The following PPM1A variants were observed in gnomAD, a reference collection of about 807,000 sequenced individuals.
The protein encoded by PPM1A is protein phosphatase, Mg2+/Mn2+ dependent 1A, also known as protein phosphatase 1A.
In PPM1A, 7 loss-of-function variants were observed where a neutral mutation model predicts 35.0. The ratio of observed to expected loss-of-function variants is 0.20; its 90% CI spans 0.11 to 0.38. PPM1A has a LOEUF of 0.38. Ranked by LOEUF, PPM1A falls within the 10% of genes least tolerant of loss-of-function variation. The pLI is 1.00. For missense variants in PPM1A, 239 were observed against 467.8 expected, an observed-to-expected ratio of 0.51 and a Z score of 4.51; for synonymous variants, 153 against 167.3, an observed-to-expected ratio of 0.91 and a Z score of 0.66.
chr14:60,254,183 G>T (rs1882774324), intron 1 of PPM1A, among the ~76,000 whole-genome samples: 1 of 152,156 alleles, frequency 6.6e-6, no homozygotes, highest in South Asian at 2.1e-4. Context: ...TTTGCAGTGT[G>T]CCTGGAAGCC....
At chr14:60,291,356 G>C in intron 4 of PPM1A, 41 bp from the exon 5 acceptor site, 1 of 1,409,756 alleles carries the variant, frequency 7.1e-7, no homozygotes, top group Middle Eastern at 1.8e-4. Context: ...GCAATGTTTT[G>C]CTTTCTGAAG....
Position 60,292,414 on chromosome 14 carries a change from ATT to A in PPM1A, c.1120-36_1120-35del, listed in dbSNP as rs1452879642. 2.6e-6 allele frequency: 4 copies of A among 1,542,186 alleles called. No homozygotes were observed. In the African/African-American group the frequency reaches 5.5e-5, roughly 21 times the overall value. ...GTATGGTGTATTTTGGCACCGCTAA[ATT>A]TTAACGTTGTTCCTTATTTTGCTTC... On this transcript the variant is annotated intron_variant, in intron 5 of 5. Coordinates refer to ENST00000395076, the MANE Select transcript of PPM1A (RefSeq NM_021003.5). This position sits in a 1 kb window ranked among gnomAD's most constrained non-coding sequence, Gnocchi z 4.2.
At chr14:60,248,417 A>G (rs575460824), upstream of PPM1A, among the ~76,000 whole-genome samples, 1 of 152,326 alleles carries the variant, frequency 6.6e-6, no homozygotes, top group East Asian at 1.9e-4. Flanking sequence ...CCCCTGAACT[A>G]TAGAGGGAAA....
At chr14:60,274,358 T>C (rs1169625582) in intron 1 of PPM1A, among the ~76,000 whole-genome samples, 1 of 152,138 alleles carries the variant, frequency 6.6e-6, no homozygotes, top group East Asian at 1.9e-4. Context: ...CAACATTTTT[T>C]TTAAGAAGTT....
intron 2 of PPM1A, among the ~76,000 whole-genome samples, chr14:60,284,707 G>GTATATA (rs9323362): frequency 0.055 from 7,834 of 143,252 alleles, 252 homozygotes; most frequent in Middle Eastern, 0.092. Flanking sequence ...ATGTGTGTGT[G>GTATATA]TATATATATA....
chr14:60,265,819 C>T (rs1295958135), intron 1 of PPM1A, among the ~76,000 whole-genome samples: 2 of 152,162 alleles, frequency 1.3e-5, no homozygotes, highest in Non-Finnish European at 2.9e-5. Flanking sequence ...CAGGAACTCA[C>T]TCCTAAGATA....
Position 60,292,545 on chromosome 14 carries a change from T to G in PPM1A, c.*63T>G, listed in dbSNP as rs1039264658. 3.4e-5 allele frequency: 49 copies of G among 1,444,034 alleles called. No individual in the cohort carries two copies. The highest frequency in any genetic ancestry group is 4.4e-5 in the Non-Finnish European group (46 of 1,036,148). 89.5% of individuals were successfully genotyped at this position (1,444,034 alleles called of 1,614,324 possible). A position where few individuals can be genotyped will look rare whatever the true frequency, so the allele number is the denominator to read the frequency against. On this transcript the variant is annotated 3_prime_UTR_variant, in exon 6 of 6. Coordinates refer to ENST00000395076, the MANE Select transcript of PPM1A (RefSeq NM_021003.5). This position sits in a 1 kb window ranked among gnomAD's most constrained non-coding sequence, Gnocchi z 4.2. ...AAAGGAGAGTACAGCTCAACTTTGT[T>G]GAAACTTTTAACATCCATCCTCAAC...
chr14:60,281,460 A>C lies in PPM1A; in HGVS notation c.-20-1224A>C, dbSNP rs187606682. Among the ~76,000 whole-genome samples, 3 of 152,208 alleles carry C rather than the reference A, an allele frequency of 2.0e-5. No individual in the cohort carries two copies. The East Asian group carries it at 5.8e-4, about 29-fold the overall frequency. ...CCTTTTTCTCCCAGTTTCCTCTCTG[A>C]GCTGAGTATCATTAGCATCATCAAT... On this transcript the variant is annotated intron_variant, in intron 1 of 5. Coordinates refer to ENST00000395076, the MANE Select transcript of PPM1A (RefSeq NM_021003.5).
At position 60,273,606 on chromosome 14, in the gene PPM1A, G is replaced by C. The variant is rs559526667; in HGVS notation, c.-20-9078G>C. On this transcript the variant is annotated intron_variant, in intron 1 of 5. Coordinates refer to ENST00000395076, the MANE Select transcript of PPM1A (RefSeq NM_021003.5). The surrounding 1 kb of genome is among the most constrained non-coding windows in gnomAD (Gnocchi z 4.3). ...ATATGGTGAAATTTGTATTTTGAAA[G>C]ATTTACTTAGGCTGCAGTTTGGAGA... is the stretch of plus-strand genomic sequence containing the variant. Among the ~76,000 whole-genome samples, 32 of 152,160 alleles carry C rather than the reference G, an allele frequency of 2.1e-4. No individual in the cohort carries two copies. The highest frequency in any genetic ancestry group is 4.1e-4 in the Non-Finnish European group (28 of 68,038).
chr14:60,291,164 A>G (rs1887590819), intron 4 of PPM1A, among the ~76,000 whole-genome samples: 1 of 152,032 alleles, frequency 6.6e-6, no homozygotes, highest in African/African-American at 2.4e-5. Flanking sequence ...TTAGCCTTCT[A>G]TTAACTGGGT....
upstream of PPM1A, chr14:60,246,011 T>G (rs1218803448): frequency 2.5e-6 from 4 of 1,581,990 alleles, no homozygotes; most frequent in African/African-American, 4.1e-5. Flanking sequence ...GGAAACCAAA[T>G]GAAGAGGATG....
chr14:60,247,072 G>C (rs1163340128), upstream of PPM1A, among the ~76,000 whole-genome samples: 2 of 152,164 alleles, frequency 1.3e-5, no homozygotes, highest in African/African-American at 4.8e-5. Context: ...TCTTTTAAGA[G>C]CACTCTAAAT....
chr14:60,254,108 A>G (rs902967414), intron 1 of PPM1A, among the ~76,000 whole-genome samples: 5 of 152,170 alleles, frequency 3.3e-5, no homozygotes, highest in Admixed American at 2.6e-4. Context: ...GAGTATATGA[A>G]ATCTTGAGAT....
intron 3 of PPM1A, chr14:60,286,879 T>G (rs1887073328): frequency 8.2e-6 from 8 of 978,652 alleles, no homozygotes; most frequent in Non-Finnish European, 9.7e-6. Context: ...CGAATTTGTC[T>G]CCTTACTGTT....
Position 60,292,314 on chromosome 14 carries a change from CTTATAT to C in PPM1A, c.1120-138_1120-133del. ...GCTATTTCATATGTACACATATATA[CTTATAT>C]ACTTTAAAAAACATTTATATTCTAA... On this transcript the variant is annotated intron_variant, in intron 5 of 5. Transcript: ENST00000395076. This position sits in a 1 kb window ranked among gnomAD's most constrained non-coding sequence, Gnocchi z 4.2. 1 of 610,454 alleles carries C rather than the reference CTTATAT, an allele frequency of 1.6e-6. No homozygotes were observed. The highest frequency in any genetic ancestry group is 2.2e-5 in the South Asian group (1 of 46,172). 37.8% of individuals were successfully genotyped at this position (610,454 alleles called of 1,614,324 possible).
chr14:60,246,124 G>A (rs1048206642), upstream of PPM1A: 2 of 1,348,678 alleles, frequency 1.5e-6, no homozygotes, highest in African/African-American at 3.0e-5. Flanking sequence ...GGCTTCAGTG[G>A]AAAAGGATGG....
rs1885101686 is a variant in PPM1A, at chr14:60,271,485, A to G, written c.-20-11199A>G. Among the ~76,000 whole-genome samples the G allele has an allele frequency of 2.0e-5, 3 of 152,166 alleles. No individual in the cohort carries two copies. In the South Asian group the frequency reaches 6.2e-4, roughly 31 times the overall value. On this transcript the variant is annotated intron_variant, in intron 1 of 5. Transcript: ENST00000395076. ...ATTGGATTAGAGTAAAGCCTCATAG[A>G]TTGTGCTGTTTGTTAGAATCACAGA...
chr14:60,266,174 A>G (rs1884358870), intron 1 of PPM1A, among the ~76,000 whole-genome samples: 2 of 152,116 alleles, frequency 1.3e-5, no homozygotes, highest in African/African-American at 4.8e-5. Context: ...ACCCATTTAT[A>G]TTCTTTTATT....
chr14:60,246,682 A>G (rs1881804210), upstream of PPM1A, among the ~76,000 whole-genome samples: 1 of 152,002 alleles, frequency 6.6e-6, no homozygotes. Flanking sequence ...GTTTAATAAA[A>G]GGGGATATGA....
Sources: gnomAD v4.1 joint callset for allele counts (sites outside exome capture counted in the v4.1 genomes callset) on GRCh38, gnomAD v4.1.1 for gene constraint, Gnocchi (gnomAD v3.1) non-coding constraint, MANE v1.5 for transcripts, NCBI Gene and HGNC (gene_info 2026-07-23, HGNC 2026-07-21) for gene names.